Variants in UBE3C observed in about 807,000 individuals in gnomAD.
UBE3C encodes the protein ubiquitin protein ligase E3C.
In UBE3C, 42 loss-of-function variants were observed where a neutral mutation model predicts 129.4. The ratio of observed to expected loss-of-function variants is 0.32; its 90% CI spans 0.25 to 0.42. UBE3C has a LOEUF of 0.42. Ranked by LOEUF, UBE3C falls within the 10% of genes least tolerant of loss-of-function variation. The pLI is 1.00. For synonymous variants in UBE3C, 510 were observed against 492.4 expected (o/e 1.04, Z -0.47); for missense variants, 1,049 against 1,319.1 (o/e 0.80, Z 3.17).
At chr7:157,242,521 T>G (rs1387776117) in intron 18 of UBE3C, among the ~76,000 whole-genome samples, 7 of 147,010 alleles carry the variant, frequency 4.8e-5, no homozygotes, top group African/African-American at 1.5e-4. Flanking sequence ...GTTGTTTTTT[T>G]TTTTTTTTTT....
At chr7:157,169,867 A>G (rs1223335802) in intron 3 of UBE3C, among the ~76,000 whole-genome samples, 1 of 152,098 alleles carries the variant, frequency 6.6e-6, no homozygotes, top group Non-Finnish European at 1.5e-5. Flanking sequence ...TATTTTTAGT[A>G]GAGATGGCGT....
At chr7:157,141,791 G>A (rs563514217) in intron 1 of UBE3C, among the ~76,000 whole-genome samples, 7 of 152,258 alleles carry the variant, frequency 4.6e-5, no homozygotes, top group Admixed American at 3.3e-4. Context: ...GTTTGTGCCC[G>A]GCTGCTTTGG....
chr7:157,179,436 T>G (rs1345643088), intron 6 of UBE3C, among the ~76,000 whole-genome samples: 1 of 152,206 alleles, frequency 6.6e-6, no homozygotes, highest in East Asian at 1.9e-4. Context: ...GAAGCTATAC[T>G]GAACTGCATC....
intron 13 of UBE3C, among the ~76,000 whole-genome samples, chr7:157,208,571 A>T (rs1275938021): frequency 1.3e-5 from 2 of 152,230 alleles, no homozygotes; most frequent in Non-Finnish European, 2.9e-5. Context: ...TACAGTTTTT[A>T]AAATGTTTTT....
chr7:157,207,341 C>T (rs1809460462), intron 11 of UBE3C, 57 bp from the exon 12 acceptor site: 3 of 1,570,274 alleles, frequency 1.9e-6, no homozygotes, highest in East Asian at 2.2e-5. Flanking sequence ...TAATTAGTTC[C>T]CAAACTAAGA....
At chr7:157,246,788 C>T (rs1182388) in intron 18 of UBE3C, among the ~76,000 whole-genome samples, 120,971 of 152,084 alleles carry the variant, frequency 0.8, 48,540 homozygotes, top group East Asian at 0.99. Context: ...TTCTCTAAAA[C>T]TGTTCTCCAC....
chr7:157,224,052 G>T (rs1795808143), intron 16 of UBE3C, among the ~76,000 whole-genome samples: 1 of 151,726 alleles, frequency 6.6e-6, no homozygotes, highest in Admixed American at 6.6e-5. Context: ...TCTGTCACCT[G>T]GGCTAGAAAG....
chr7:157,155,648 T>C (rs1185532506), intron 1 of UBE3C, among the ~76,000 whole-genome samples: 3 of 152,234 alleles, frequency 2.0e-5, no homozygotes, highest in Admixed American at 6.5e-5. Flanking sequence ...TTGTTACCAC[T>C]AAATTTATTT....
chr7:157,249,175 A>T (rs1268593337), intron 19 of UBE3C, among the ~76,000 whole-genome samples: 2 of 152,130 alleles, frequency 1.3e-5, no homozygotes, highest in African/African-American at 4.8e-5. Flanking sequence ...TGCAGCCATC[A>T]TCACCCTAGC....
chr7:157,153,465 A>G (rs957683338), intron 1 of UBE3C, among the ~76,000 whole-genome samples: 8 of 151,768 alleles, frequency 5.3e-5, no homozygotes, highest in Non-Finnish European at 1.2e-4. Context: ...TTCTCTTTCT[A>G]ATTTGTTTTT....
intron 18 of UBE3C, among the ~76,000 whole-genome samples, chr7:157,234,289 C>T (rs187448584): frequency 6.6e-6 from 1 of 152,270 alleles, no homozygotes; most frequent in South Asian, 2.1e-4. Context: ...GTTCTTCTGA[C>T]GGTGTTGTAG....
At chr7:157,162,781 G>A (rs1808107157) in intron 1 of UBE3C, among the ~76,000 whole-genome samples, 1 of 152,018 alleles carries the variant, frequency 6.6e-6, no homozygotes, top group African/African-American at 2.4e-5. Context: ...GCTTCCCAAA[G>A]TGCAGGGATT....
At chr7:157,239,284 C>A (rs1480816042) in intron 18 of UBE3C, among the ~76,000 whole-genome samples, 1 of 152,192 alleles carries the variant, frequency 6.6e-6, no homozygotes, top group Non-Finnish European at 1.5e-5. Context: ...TACAGCTACT[C>A]AAAATGGTAT....
rs775193610 is a variant in UBE3C, at chr7:157,207,945, A to G, written c.1809+10A>G. 8.9e-6 allele frequency: 13 copies of G among 1,457,940 alleles called. No homozygotes were observed. The highest frequency in any genetic ancestry group is 2.5e-5 in the Admixed American group (1 of 39,860). 90.3% of individuals were successfully genotyped at this position (1,457,940 alleles called of 1,614,324 possible). A position where few individuals can be genotyped will look rare whatever the true frequency, so the allele number is the denominator to read the frequency against. The stretch of plus-strand genomic sequence containing the variant: ...GATTCAGTTATTTAAGGTATAGAGT[A>G]TATGTATTTTTTTGTTTACTGACAT... On this transcript the variant is annotated intron_variant, in intron 13 of 22. Transcript: ENST00000348165.
In UBE3C at chr7:157,139,410, GC is replaced by G. The variant is rs1209943235; in HGVS notation, c.66+73del. ...CCGGGGCTCGGGGCTGGGACTCGGG[GC>G]TGGACTCGGGGCTGGACTCGGGGCC... On this transcript the variant is annotated intron_variant, in intron 1 of 22. Coordinates refer to ENST00000348165, the MANE Select transcript of UBE3C (RefSeq NM_014671.3). 2,122 of 1,421,542 alleles carry G rather than the reference GC, an allele frequency of 1.5e-3. 29 individuals carry two copies. The African/African-American group carries it at 0.029, about 19-fold the overall frequency. 88.1% of individuals were successfully genotyped at this position (1,421,542 alleles called of 1,614,324 possible).
intron 18 of UBE3C, among the ~76,000 whole-genome samples, chr7:157,236,676 C>T (rs1796159926): frequency 6.6e-6 from 1 of 152,038 alleles, no homozygotes; most frequent in South Asian, 2.1e-4. Context: ...TTGCCTTAGT[C>T]CTTAAAGGGG....
intron 1 of UBE3C, among the ~76,000 whole-genome samples, chr7:157,150,920 C>G (rs564247932): frequency 1.3e-5 from 2 of 152,358 alleles, no homozygotes; most frequent in Admixed American, 6.5e-5. Context: ...CTGGCCTGTT[C>G]ACAAGCCTGG....
intron 10 of UBE3C, among the ~76,000 whole-genome samples, chr7:157,194,005 A>C (rs142972806): frequency 1.2e-4 from 19 of 152,344 alleles, no homozygotes; most frequent in African/African-American, 4.3e-4. Flanking sequence ...ACTGATATGA[A>C]CAAAATTTCA....
intron 11 of UBE3C, among the ~76,000 whole-genome samples, chr7:157,206,976 A>C (rs1182098655): frequency 6.6e-6 from 1 of 152,208 alleles, no homozygotes; most frequent in African/African-American, 2.4e-5. Flanking sequence ...TCGCTGGATA[A>C]ATTTTTCCTG....
Sources: gnomAD v4.1 joint callset for allele counts (sites outside exome capture counted in the v4.1 genomes callset) on GRCh38, gnomAD v4.1.1 for gene constraint, MANE v1.5 for transcripts, NCBI Gene and HGNC (gene_info 2026-07-23, HGNC 2026-07-21) for gene names.